SV2B: variants seen among roughly 807,000 people sequenced by gnomAD.
SV2B encodes synaptic vesicle glycoprotein 2B, also known as solute carrier family 22 member B2.
In SV2B, 41 loss-of-function variants were observed where a neutral mutation model predicts 73.9. The ratio of observed to expected loss-of-function variants is 0.56; its 90% confidence interval spans 0.43 to 0.72. The LOEUF is 0.72. Among genes scored for constraint, SV2B ranks in the 30% least tolerant of loss-of-function variants. The pLI, the probability that SV2B is intolerant of heterozygous loss-of-function variation, is 0.00. For synonymous variants in SV2B, 314 were observed against 314.2 expected (o/e 1.00, Z 0.01); for missense variants, 764 against 857.8 (o/e 0.89, Z 1.37).
rs1425177775 is a variant in SV2B at position 91,220,883 on chromosome 15, G to A, written c.-391-4990G>A. On this transcript the variant is annotated intron_variant, in intron 1 of 12. Coordinates refer to ENST00000394232, the MANE Select transcript of SV2B (RefSeq NM_001323032.3). This position sits in a 1 kb window ranked among gnomAD's most constrained non-coding sequence, Gnocchi z 4.1. ...ATTTTATTTTATTTTATTTTTTTGAGACAGGGGTCTCTCTCTTTCACCCAG... is the reference window on the plus strand; with the variant it reads ...ATTTTATTTTATTTTATTTTTTTGAAACAGGGGTCTCTCTCTTTCACCCAG... Among the ~76,000 whole-genome samples the A allele has an allele frequency of 7.5e-6, 1 of 132,812 alleles. No homozygotes were observed. The highest frequency in any genetic ancestry group is 3.6e-5 in the African/African-American group (1 of 27,570). 87.1% of individuals were successfully genotyped at this position (132,812 alleles called of 152,430 possible).
intron 1 of SV2B, among the ~76,000 whole-genome samples, chr15:91,155,296 TGTGTTTCAGGATCCTATGCCA>T (rs1429428696): frequency 6.6e-6 from 1 of 152,156 alleles, no homozygotes; most frequent in Non-Finnish European, 1.5e-5. Flanking sequence ...GCAGACCACT[TGTGTTTCAGGATCCTATGCCA>T]GTGAGTATTA....
intron 1 of SV2B, among the ~76,000 whole-genome samples, chr15:91,190,423 T>A (rs2044965557): frequency 6.6e-6 from 1 of 152,178 alleles, no homozygotes. Context: ...AAAATGCGCA[T>A]TATTTTTTTG....
chr15:91,219,047 A>G (rs1188235007), intron 1 of SV2B, among the ~76,000 whole-genome samples: 2 of 151,880 alleles, frequency 1.3e-5, no homozygotes, highest in African/African-American at 4.8e-5. Flanking sequence ...CAAGCCACTC[A>G]AGCCATCCTC....
chr15:91,226,131 A>T lies in SV2B; in HGVS notation c.-133A>T. On this transcript the variant is annotated 5_prime_UTR_variant, in exon 2 of 13. Transcript: ENST00000394232. The stretch of plus-strand genomic sequence containing the variant: ...GGGGGGGGGAACCAGTGTGACTTTC[A>T]CCTAAGAAGTCACATGAACATATTT... 3.5e-6 allele frequency: 3 copies of T among 850,312 alleles called. No homozygotes were observed. The highest frequency in any genetic ancestry group is 5.4e-6 in the Non-Finnish European group (3 of 555,370). The allele number at this position is 850,312 out of a possible 1,614,324, so 52.7% of individuals were successfully genotyped here.
chr15:91,163,226 G>C (rs139346643), intron 1 of SV2B, among the ~76,000 whole-genome samples: 2 of 152,262 alleles, frequency 1.3e-5, no homozygotes, highest in Middle Eastern at 3.4e-3. Context: ...ATAAACATAC[G>C]TGTGCATGTG....
chr15:91,283,909 A>G lies in SV2B; in HGVS notation c.1508-112A>G. Reference sequence around the variant, plus strand: ...TTGACTTTGAGGCTGTCTGACTGGCAAAGGCTGGCACAGCCTGCCTACAGG... The same window carrying G: ...TTGACTTTGAGGCTGTCTGACTGGCGAAGGCTGGCACAGCCTGCCTACAGG... On this transcript the variant is annotated intron_variant, in intron 10 of 12. Coordinates refer to ENST00000394232, the MANE Select transcript of SV2B (RefSeq NM_001323032.3). This position sits in a 1 kb window ranked among gnomAD's most constrained non-coding sequence, Gnocchi z 4.3. 1 of 1,044,136 alleles carries G rather than the reference A, an allele frequency of 9.6e-7. No individual in the cohort carries two copies. The highest frequency in any genetic ancestry group is 1.5e-5 in the South Asian group (1 of 65,234). The allele number at this position is 1,044,136 out of a possible 1,614,324, so 64.7% of individuals were successfully genotyped here.
At chr15:91,180,851 G>A (rs937628922) in intron 1 of SV2B, among the ~76,000 whole-genome samples, 1 of 152,160 alleles carries the variant, frequency 6.6e-6, no homozygotes, top group Non-Finnish European at 1.5e-5. Flanking sequence ...TCCTCCTGTA[G>A]CTCGGAGTAG....
rs181357234 is a variant in SV2B at position 91,143,301 on chromosome 15, C to A, written c.-392+42938C>A. On this transcript the variant is annotated intron_variant, in intron 1 of 12. Transcript: ENST00000394232. ...TAGAGACGATTCAGTATGTCTAGAA[C>A]GGCTCAGAAGCCTTTCAAATATGTT... 3.6e-4 allele frequency among the ~76,000 whole-genome samples: 55 copies of A among 152,248 alleles called. 1 individual carries two copies. Among genetic ancestry groups the A allele is most frequent in the African/African-American group, 1.2e-3 (48 of 41,552 alleles).
intron 1 of SV2B, among the ~76,000 whole-genome samples, chr15:91,196,323 G>C (rs559398608): frequency 1.3e-5 from 2 of 152,342 alleles, no homozygotes; most frequent in South Asian, 4.1e-4. Flanking sequence ...ATAAGATGCT[G>C]TTAAGTGCTA....
At chr15:91,183,979 A>G (rs867414063) in intron 1 of SV2B, among the ~76,000 whole-genome samples, 1 of 151,752 alleles carries the variant, frequency 6.6e-6, no homozygotes, top group African/African-American at 2.4e-5. Context: ...AAAAAACTGC[A>G]GTATCATCAG....
At chr15:91,260,459 C>A in intron 6 of SV2B, 50 bp downstream of exon 6, 1 of 1,411,266 alleles carries the variant, frequency 7.1e-7, no homozygotes, top group Non-Finnish European at 9.7e-7. Context: ...CTCTTCACTG[C>A]TTTGATTTAC....
At chr15:91,180,141 A>C (rs866820815) in intron 1 of SV2B, among the ~76,000 whole-genome samples, 17 of 151,810 alleles carry the variant, frequency 1.1e-4, no homozygotes, top group East Asian at 1.9e-4. Context: ...TTTGTTTCTC[A>C]TTCACTTATG....
chr15:91,147,824 T>C (rs1016158878), intron 1 of SV2B, among the ~76,000 whole-genome samples: 4 of 152,096 alleles, frequency 2.6e-5, no homozygotes, highest in Non-Finnish European at 5.9e-5. Flanking sequence ...GGATGGCAGA[T>C]GTTACAGGAC....
chr15:91,160,524 C>T (rs2043675231), intron 1 of SV2B, among the ~76,000 whole-genome samples: 1 of 152,196 alleles, frequency 6.6e-6, no homozygotes, highest in Non-Finnish European at 1.5e-5. Context: ...ATGAGAATCA[C>T]TTGAACTCAG....
rs548558464 is a variant in SV2B at position 91,223,915 on chromosome 15, T to C, written c.-391-1958T>C. 1.2e-4 allele frequency among the ~76,000 whole-genome samples: 18 copies of C among 152,382 alleles called. No homozygotes were observed. The highest frequency in any genetic ancestry group is 7.2e-4 in the Admixed American group (11 of 15,310). ...AAATGCAGATTGCAGGGCCCTGCCC[T>C]ATCCTGCAGATTCAGTGTCTTTCAG... On this transcript the variant is annotated intron_variant, in intron 1 of 12. Transcript: ENST00000394232. This position sits in a 1 kb window ranked among gnomAD's most constrained non-coding sequence, Gnocchi z 4.6.
chr15:91,214,651 A>G lies in SV2B; in HGVS notation c.-391-11222A>G, dbSNP rs559773862. 1.5e-3 allele frequency among the ~76,000 whole-genome samples: 235 copies of G among 152,308 alleles called. No individual in the cohort carries two copies. The highest frequency in any genetic ancestry group is 5.2e-3 in the African/African-American group (218 of 41,562). On this transcript the variant is annotated intron_variant, in intron 1 of 12. Coordinates refer to ENST00000394232, the MANE Select transcript of SV2B (RefSeq NM_001323032.3). The surrounding 1 kb of genome is among the most constrained non-coding windows in gnomAD (Gnocchi z 4.7). ...TACAACAGCCACTGTATGGCAAGAA[A>G]TATCATTAACAATTGTTTTCCCGAT...
chr15:91,217,013 G>A (rs2046054796), intron 1 of SV2B, among the ~76,000 whole-genome samples: 1 of 150,182 alleles, frequency 6.7e-6, no homozygotes, highest in African/African-American at 2.5e-5. Context: ...TCAGCATCCT[G>A]AATAGCTGGG....
chr15:91,119,721 A>G (rs1380107480), intron 1 of SV2B, among the ~76,000 whole-genome samples: 2 of 152,266 alleles, frequency 1.3e-5, no homozygotes, highest in African/African-American at 2.4e-5. Context: ...AGCACTATGC[A>G]TGTGCCCCTC....
chr15:91,203,221 C>T (rs1221253593), intron 1 of SV2B, among the ~76,000 whole-genome samples: 1 of 152,148 alleles, frequency 6.6e-6, no homozygotes, highest in Non-Finnish European at 1.5e-5. Flanking sequence ...AGGACTTCCC[C>T]AGGTAGGGGC....
Sources: allele counts gnomAD v4.1 joint callset (sites outside exome capture counted in the v4.1 genomes callset), GRCh38; gene constraint gnomAD v4.1.1; non-coding constraint Gnocchi (gnomAD v3.1); transcripts MANE v1.5; gene names NCBI Gene and HGNC (gene_info 2026-07-23, HGNC 2026-07-21).